Variants in VNN1 observed in about 807,000 individuals in gnomAD.
VNN1 encodes vanin 1.
Under a neutral mutation model 41.9 loss-of-function variants are expected in VNN1, and 29 were observed. The ratio of observed to expected loss-of-function variants is 0.69; its 90% CI spans 0.52 to 0.94. VNN1 has a LOEUF of 0.94. Among genes scored for constraint, VNN1 ranks in the 40% least tolerant of loss-of-function variants. The pLI is 0.00. For missense variants in VNN1, 637 were observed against 621.1 expected (o/e 1.03, Z -0.27); for synonymous variants, 233 against 224.4 (o/e 1.04, Z -0.34).
chr6:132,712,610 C>T (rs1316917910), intron 1 of VNN1, among the ~76,000 whole-genome samples: 2 of 152,114 alleles, frequency 1.3e-5, no homozygotes, highest in Non-Finnish European at 2.9e-5. Flanking sequence ...CTGTTTATTT[C>T]CTCCTCTGCC....
Position 132,692,361 on chromosome 6 carries a change from A to G in VNN1, c.1050T>C (p.Val350=). 1 of 1,614,220 alleles carries G rather than the reference A, an allele frequency of 6.2e-7. No individual in the cohort carries two copies. The highest frequency in any genetic ancestry group is 8.5e-7 in the Non-Finnish European group (1 of 1,180,032). Residue 350 remains valine, a synonymous_variant, in exon 5 of 7, where the codon GTT becomes GTC. Transcript: ENST00000367928. ...TCTGACAAACTGTATAATTTCCTGC[A>G]ACTCCTGTGAGCTTCACAAAAGTGA... ...DEFTFVKLTG[V]AGNYTVCQKD...
chr6:132,700,245 A>G (rs1386579878), intron 2 of VNN1, among the ~76,000 whole-genome samples: 1 of 152,210 alleles, frequency 6.6e-6, no homozygotes, highest in Non-Finnish European at 1.5e-5. Context: ...CAGTTAGATG[A>G]CTGTAAAGTA....
intron 2 of VNN1, among the ~76,000 whole-genome samples, chr6:132,702,227 T>C (rs1778457805): frequency 6.6e-6 from 1 of 152,212 alleles, no homozygotes; most frequent in African/African-American, 2.4e-5. Flanking sequence ...TCAGATCAGT[T>C]GCAGCATTAG....
rs562660549 is a variant in VNN1, at chr6:132,707,015, T to C, written c.341+4694A>G. 8.6e-5 allele frequency among the ~76,000 whole-genome samples: 13 copies of C among 151,664 alleles called. No individual in the cohort carries two copies. In the South Asian group the frequency reaches 2.7e-3, roughly 32 times the overall value. Reference sequence around the variant, plus strand: ...GCTGAGGCAAGAGGATCACCTGAGGTCAGGAGTTTGAGATCAGCCTGGACA... The same window carrying C: ...GCTGAGGCAAGAGGATCACCTGAGGCCAGGAGTTTGAGATCAGCCTGGACA... On this transcript the variant is annotated intron_variant, in intron 2 of 6. Transcript: ENST00000367928.
At chr6:132,708,481 A>T (rs1382413108) in intron 2 of VNN1, among the ~76,000 whole-genome samples, 1 of 152,212 alleles carries the variant, frequency 6.6e-6, no homozygotes, top group African/African-American at 2.4e-5. Flanking sequence ...TTTAACGCTC[A>T]GTCTAAGAGG....
intron 2 of VNN1, among the ~76,000 whole-genome samples, chr6:132,700,590 A>G (rs987765752): frequency 3.3e-5 from 5 of 152,146 alleles, no homozygotes; most frequent in Non-Finnish European, 7.3e-5. Context: ...CCCCAAGCAG[A>G]ACACCAGAGG....
At chr6:132,706,129 C>T (rs558563540) in intron 2 of VNN1, among the ~76,000 whole-genome samples, 1 of 152,126 alleles carries the variant, frequency 6.6e-6, no homozygotes, top group South Asian at 2.1e-4. Flanking sequence ...ATCAAAATAC[C>T]AATGTCATTC....
chr6:132,709,688 C>T (rs182009255), intron 2 of VNN1, among the ~76,000 whole-genome samples: 1 of 150,574 alleles, frequency 6.6e-6, no homozygotes, highest in African/African-American at 2.4e-5. Context: ...GAGAGAGAGA[C>T]AGAGAGAATT....
chr6:132,685,158 T>C (rs1375639834), intron 5 of VNN1, among the ~76,000 whole-genome samples: 1 of 152,246 alleles, frequency 6.6e-6, no homozygotes, highest in African/African-American at 2.4e-5. Flanking sequence ...ATATCCTCTA[T>C]ACTGCGCAAG....
intron 2 of VNN1, among the ~76,000 whole-genome samples, chr6:132,709,082 G>T (rs1008134686): frequency 1.3e-5 from 2 of 151,844 alleles, no homozygotes; most frequent in Non-Finnish European, 2.9e-5. Flanking sequence ...TCAGCCCCAC[G>T]CTTGCCACCC....
rs779358261 is a variant in VNN1 at position 132,681,581 on chromosome 6, CACTT to C, written c.*1555_*1558del. ...TTGACAACGTTGAGCAAAAAAGAAA[CACTT>C]AGGATGTTTTTGAAGTTTTTAATAA... On this transcript the variant is annotated 3_prime_UTR_variant, in exon 7 of 7. Transcript: ENST00000367928. The C allele has an allele frequency of 6.6e-6, 1 of 152,300 alleles. No homozygotes were observed. Among genetic ancestry groups the C allele is most frequent in the African/African-American group, 2.4e-5 (1 of 41,422 alleles). 9.4% of individuals were successfully genotyped at this position (152,300 alleles called of 1,614,324 possible).
chr6:132,708,409 C>T lies in VNN1; in HGVS notation c.341+3300G>A, dbSNP rs899314297. Among the ~76,000 whole-genome samples the T allele has an allele frequency of 3.9e-5, 6 of 152,014 alleles. No homozygotes were observed. The South Asian group carries it at 6.2e-4, about 16-fold the overall frequency. On this transcript the variant is annotated intron_variant, in intron 2 of 6. Transcript: ENST00000367928. ...TTAGAAACTTCAAATCCTTCTGGAA[C>T]GATATGACATATAAATGCTAAATAA... is the stretch of plus-strand genomic sequence containing the variant.
chr6:132,693,757 C>A (rs186001412), intron 3 of VNN1, among the ~76,000 whole-genome samples: 1 of 152,196 alleles, frequency 6.6e-6, no homozygotes, highest in East Asian at 1.9e-4. Flanking sequence ...ATAATGCATG[C>A]GGCACTTTCT....
intron 2 of VNN1, among the ~76,000 whole-genome samples, chr6:132,707,473 T>A (rs553878843): frequency 6.6e-6 from 1 of 152,156 alleles, no homozygotes; most frequent in Admixed American, 6.5e-5. Flanking sequence ...AATCAGTATA[T>A]AGAAAAGATA....
intron 2 of VNN1, among the ~76,000 whole-genome samples, chr6:132,696,515 T>A (rs1180112612): frequency 6.6e-6 from 1 of 152,012 alleles, no homozygotes; most frequent in Non-Finnish European, 1.5e-5. Flanking sequence ...CACACTATAA[T>A]CAAATTGTAG....
intron 2 of VNN1, among the ~76,000 whole-genome samples, chr6:132,700,703 T>C (rs112884528): frequency 1.2e-3 from 184 of 152,334 alleles, no homozygotes; most frequent in African/African-American, 4.2e-3. Flanking sequence ...TTAAATTTCT[T>C]AACTCACAGT....
chr6:132,698,195 T>C (rs1778398993), intron 2 of VNN1, among the ~76,000 whole-genome samples: 1 of 152,228 alleles, frequency 6.6e-6, no homozygotes, highest in Non-Finnish European at 1.5e-5. Flanking sequence ...ATGCAGAGTT[T>C]TGCCCTGGGC....
intron 6 of VNN1, 91 bp from the exon 7 acceptor site, chr6:132,683,413 AC>A: frequency 7.6e-7 from 1 of 1,322,930 alleles, no homozygotes; most frequent in Non-Finnish European, 1.0e-6. Flanking sequence ...GAATGAAGAA[AC>A]AAAAATACTG....
At chr6:132,688,005 A>ATTT (rs2114336434) in intron 5 of VNN1, among the ~76,000 whole-genome samples, 1 of 152,210 alleles carries the variant, frequency 6.6e-6, no homozygotes, top group African/African-American at 2.4e-5. Flanking sequence ...TTTCACTTTT[A>ATTT]CCTCTCTTTG....
Sources: allele counts gnomAD v4.1 joint callset (sites outside exome capture counted in the v4.1 genomes callset), GRCh38; gene constraint gnomAD v4.1.1; transcripts MANE v1.5; gene names NCBI Gene and HGNC (gene_info 2026-07-23, HGNC 2026-07-21).